The following HABP2 variants were observed in gnomAD, a reference collection of about 807,000 sequenced individuals.
HABP2 encodes factor VII-activating protease.
Under a neutral mutation model 66.5 loss-of-function variants are expected in HABP2, and 65 were observed. That is an observed-to-expected ratio of 0.98 (90% CI 0.80 to 1.20). The LOEUF (loss-of-function observed/expected upper bound fraction) is 1.20, where lower values mean the gene tolerates loss of function less well. Ranked by LOEUF, HABP2 falls within the 50% of genes most tolerant of loss-of-function variation. The pLI, the probability that HABP2 is intolerant of heterozygous loss-of-function variation, is 0.00. For synonymous variants in HABP2, 263 were observed against 253.9 expected (o/e 1.04, Z -0.34); for missense variants, 786 against 691.0 (o/e 1.14, Z -1.54).
intron 2 of HABP2, 30 bp downstream of exon 2, chr10:113,567,555 C>T (rs945986125): frequency 1.3e-5 from 20 of 1,551,464 alleles, no homozygotes; most frequent in African/African-American, 2.7e-5. Flanking sequence ...TGGGGCTTCC[C>T]ACCAATCCCA....
At position 113,589,571 on chromosome 10, in the gene HABP2, AC is replaced by A; in HGVS notation, c.*1204del. 1 of 1,450,710 alleles carries A rather than the reference AC, an allele frequency of 6.9e-7. No individual in the cohort carries two copies. The highest frequency in any genetic ancestry group is 1.3e-5 in the South Asian group (1 of 76,440). 89.9% of individuals were successfully genotyped at this position (1,450,710 alleles called of 1,614,324 possible). A position where few individuals can be genotyped will look rare whatever the true frequency, so the allele number is the denominator to read the frequency against. ...TTTCACACTTCTTTAGAGCTAGCTG[AC>A]CTTTGGCCAAAAATAAACTTTGAAA... On this transcript the variant is annotated 3_prime_UTR_variant, in exon 13 of 13. Coordinates refer to ENST00000351270, the MANE Select transcript of HABP2 (RefSeq NM_004132.5).
intron 1 of HABP2, among the ~76,000 whole-genome samples, chr10:113,555,976 C>T (rs1844984234): frequency 6.6e-6 from 1 of 152,158 alleles, no homozygotes; most frequent in Non-Finnish European, 1.5e-5. Flanking sequence ...GCCCAGAAAC[C>T]AGAGGACAAT....
intron 1 of HABP2, among the ~76,000 whole-genome samples, chr10:113,560,018 G>A (rs189389507): frequency 2.7e-3 from 417 of 152,334 alleles, no homozygotes; most frequent in Admixed American, 7.1e-3. Flanking sequence ...CAGATGAAGG[G>A]TCTGAGCCAG....
chr10:113,550,913 G>C (rs1844888141), upstream of HABP2: 1 of 152,360 alleles, frequency 6.6e-6, no homozygotes, highest in African/African-American at 2.4e-5. Context: ...GTTCACATCT[G>C]CCTCCTTCAT....
intron 6 of HABP2, 114 bp downstream of exon 6, chr10:113,578,259 C>G (rs1592696402): frequency 8.9e-7 from 1 of 1,117,774 alleles, no homozygotes; most frequent in Non-Finnish European, 1.3e-6. Context: ...CGACTATTGC[C>G]TCAGCCTTCT....
chr10:113,587,175 G>A (rs1845655623), intron 12 of HABP2, among the ~76,000 whole-genome samples: 1 of 152,094 alleles, frequency 6.6e-6, no homozygotes, highest in Admixed American at 6.6e-5. Context: ...CAAAAATTAG[G>A]TGGACATGGT....
chr10:113,584,871 AT>A (rs1276190822), intron 11 of HABP2, among the ~76,000 whole-genome samples: 2 of 152,098 alleles, frequency 1.3e-5, no homozygotes, highest in African/African-American at 4.8e-5. Flanking sequence ...TGTCTTTAGG[AT>A]TTGGTCTAAT....
chr10:113,570,178 T>G (rs1378033652), intron 2 of HABP2: 1 of 152,218 alleles, frequency 6.6e-6, no homozygotes, highest in Non-Finnish European at 1.5e-5. Flanking sequence ...TATGATGTCA[T>G]CTCATTTGGC....
chr10:113,561,793 T>C (rs1845104854), intron 1 of HABP2, among the ~76,000 whole-genome samples: 1 of 152,174 alleles, frequency 6.6e-6, no homozygotes, highest in Non-Finnish European at 1.5e-5. Context: ...TGTTTTGTCT[T>C]CCAGAAGTTT....
intron 4 of HABP2, among the ~76,000 whole-genome samples, chr10:113,576,731 C>A (rs1845418360): frequency 6.6e-6 from 1 of 152,154 alleles, no homozygotes; most frequent in Non-Finnish European, 1.5e-5. Context: ...CATTTTCAAT[C>A]CTGCAATTTC....
chr10:113,576,709 A>G (rs1845417821), intron 4 of HABP2, among the ~76,000 whole-genome samples: 1 of 152,148 alleles, frequency 6.6e-6, no homozygotes, highest in Non-Finnish European at 1.5e-5. Context: ...TGCCCTCTTC[A>G]CTTATTCTTT....
chr10:113,582,358 C>A (rs1845555859), intron 9 of HABP2, among the ~76,000 whole-genome samples: 1 of 152,210 alleles, frequency 6.6e-6, no homozygotes, highest in African/African-American at 2.4e-5. Context: ...AAGCTGTCTG[C>A]TGGAAGACAA....
In HABP2 at chr10:113,585,873, C is replaced by A. The variant is rs1213080195; in HGVS notation, c.1453C>A (p.His485Asn). 6.2e-7 allele frequency: 1 copy of A among 1,613,678 alleles called. No individual in the cohort carries two copies. Among genetic ancestry groups the A allele is most frequent in the Admixed American group, 1.7e-5 (1 of 60,024 alleles). ...GTGCAACTCCCGCCAACTCTATGACCACATGATTGATGACAGTATGATCTG... is the reference window on the plus strand; with the variant it reads ...GTGCAACTCCCGCCAACTCTATGACAACATGATTGATGACAGTATGATCTG... ...TLCNSRQLYDHMIDDSMICAG... is the reference protein window; with the variant it reads ...TLCNSRQLYDNMIDDSMICAG... The change falls in exon 12 of 13, where the codon CAC (histidine) becomes AAC (asparagine). Residue 485 changes from histidine (H) to asparagine (N), a missense_variant. Physicochemically the swap from His to Asn is moderately conservative, Grantham distance 68 (BLOSUM62 1). Coordinates refer to ENST00000351270, the MANE Select transcript of HABP2 (RefSeq NM_004132.5).
intron 10 of HABP2, among the ~76,000 whole-genome samples, chr10:113,583,826 C>T (rs1050570946): frequency 6.6e-6 from 1 of 152,186 alleles, no homozygotes; most frequent in South Asian, 2.1e-4. Context: ...GTTCTGTATC[C>T]CGTTTCCCTT....
chr10:113,575,457 G>T (rs1480742036), intron 3 of HABP2, among the ~76,000 whole-genome samples: 1 of 152,124 alleles, frequency 6.6e-6, no homozygotes. Context: ...GTTTCATTAG[G>T]GGTGGGTTTT....
At chr10:113,583,918 T>A (rs892248178) in intron 10 of HABP2, among the ~76,000 whole-genome samples, 1 of 152,206 alleles carries the variant, frequency 6.6e-6, no homozygotes, top group Non-Finnish European at 1.5e-5. Context: ...AAAAATGGAT[T>A]AGAAATGATT....
intron 1 of HABP2, among the ~76,000 whole-genome samples, chr10:113,566,176 G>T (rs762034235): frequency 1.3e-5 from 2 of 152,208 alleles, no homozygotes; most frequent in Non-Finnish European, 2.9e-5. Flanking sequence ...CAAAGGGAAA[G>T]CTGTCTAGTG....
rs2419838 is a variant in HABP2, at chr10:113,569,278, C to T, written c.106+1753C>T. ...AATGAAGGGACCCTGAAGCAGACTT[C>T]TCCTGGGATCCAGAGTCCATCTCGA... On this transcript the variant is annotated intron_variant, in intron 2 of 12. Coordinates refer to ENST00000351270, the MANE Select transcript of HABP2 (RefSeq NM_004132.5). 1.5e-4 allele frequency among the ~76,000 whole-genome samples: 23 copies of T among 152,352 alleles called. 1 individual carries two copies. The highest frequency in any genetic ancestry group is 2.6e-4 in the Non-Finnish European group (18 of 68,034).
intron 8 of HABP2, among the ~76,000 whole-genome samples, chr10:113,581,238 T>C (rs570579877): frequency 6.6e-6 from 1 of 152,316 alleles, no homozygotes; most frequent in Admixed American, 6.5e-5. Flanking sequence ...TCTGTTCTTG[T>C]CCATATACAA....
Sources: gnomAD v4.1 joint callset for allele counts (sites outside exome capture counted in the v4.1 genomes callset) on GRCh38, gnomAD v4.1.1 for gene constraint, MANE v1.5 for transcripts, NCBI Gene and HGNC (gene_info 2026-07-23, HGNC 2026-07-21) for gene names.